The following MCTP1 variants were observed in gnomAD, a reference collection of about 807,000 sequenced individuals.
MCTP1 encodes the protein multiple C2 and transmembrane domain containing 1, also known as multiple C2 and transmembrane domain-containing protein 1.
MCTP1 carries 69 observed loss-of-function variants against 120.6 expected under a neutral mutation model. The observed-to-expected ratio is 0.57, with a 90% CI of 0.47 to 0.70. The LOEUF (loss-of-function observed/expected upper bound fraction) is 0.70, where lower values mean the gene tolerates loss of function less well. MCTP1 is among the 30% of genes least tolerant of loss of function. The pLI is 0.00. For synonymous variants in MCTP1, 529 were observed against 493.1 expected (o/e 1.07, Z -0.96); for missense variants, 1,203 against 1,248.8 (o/e 0.96, Z 0.55).
chr5:95,043,191 A>AT (rs1248467679), intron 1 of MCTP1, among the ~76,000 whole-genome samples: 1 of 152,206 alleles, frequency 6.6e-6, no homozygotes, highest in Admixed American at 6.6e-5. Flanking sequence ...AGAGGGTCAC[A>AT]TTTAACAATG....
chr5:95,054,725 A>G (rs1215464628), intron 1 of MCTP1, among the ~76,000 whole-genome samples: 2 of 152,240 alleles, frequency 1.3e-5, no homozygotes, highest in East Asian at 3.8e-4. Context: ...ATAGACCATC[A>G]GAAAGCTGGC....
intron 1 of MCTP1, among the ~76,000 whole-genome samples, chr5:95,154,913 A>C (rs1403528127): frequency 6.6e-6 from 1 of 152,092 alleles, no homozygotes; most frequent in East Asian, 1.9e-4. Context: ...AGTTTTTTCA[A>C]CATATAAGGA....
At chr5:94,936,135 T>C (rs1816142782) in intron 5 of MCTP1, among the ~76,000 whole-genome samples, 3 of 151,994 alleles carry the variant, frequency 2.0e-5, no homozygotes, top group Admixed American at 6.6e-5. Context: ...CAGATTATCA[T>C]TAATATACTA....
chr5:94,715,801 TC>T (rs1759023184), intron 19 of MCTP1, among the ~76,000 whole-genome samples: 1 of 152,218 alleles, frequency 6.6e-6, no homozygotes, highest in African/African-American at 2.4e-5. Flanking sequence ...ATTCTATGAC[TC>T]CATTCCTCCA....
At chr5:94,843,365 G>A (rs1791568002) in intron 17 of MCTP1, among the ~76,000 whole-genome samples, 1 of 152,108 alleles carries the variant, frequency 6.6e-6, no homozygotes, top group South Asian at 2.1e-4. Context: ...TCGTGTGTAT[G>A]TGTATAAACA....
intron 17 of MCTP1, among the ~76,000 whole-genome samples, chr5:94,850,278 C>T (rs904734961): frequency 4.6e-5 from 7 of 152,124 alleles, no homozygotes; most frequent in African/African-American, 9.7e-5. Flanking sequence ...TGAGCAAAAT[C>T]GTGAACTTTA....
rs754290485 is a variant in MCTP1, at chr5:94,953,373, A to G, written c.839-12T>C. 1.9e-6 allele frequency: 3 copies of G among 1,579,900 alleles called. No individual in the cohort carries two copies. Among genetic ancestry groups the G allele is most frequent in the Non-Finnish European group, 2.6e-6 (3 of 1,162,500 alleles). On this transcript the variant is annotated splice_polypyrimidine_tract_variant and intron_variant, in intron 2 of 22. Transcript: ENST00000515393. The stretch of plus-strand genomic sequence containing the variant: ...TGGATCACTCGTCCCTGTTAAATAG[A>G]TAGATTGATCCATGTTAATCATGAC...
At chr5:94,929,510 C>T (rs116769319) in intron 6 of MCTP1, 142 of 406,854 alleles carry the variant, frequency 3.5e-4, no homozygotes, top group East Asian at 3.2e-4. Context: ...AAATAAAAAA[C>T]GAAAAATCTG....
chr5:94,960,792 G>A (rs1260006841), intron 2 of MCTP1, among the ~76,000 whole-genome samples: 2 of 152,176 alleles, frequency 1.3e-5, no homozygotes, highest in African/African-American at 4.8e-5. Context: ...GAGAGGATGT[G>A]GAGAAATAAG....
At chr5:94,836,095 G>T (rs1009522403) in intron 17 of MCTP1, among the ~76,000 whole-genome samples, 1 of 139,858 alleles carries the variant, frequency 7.2e-6, no homozygotes, top group Non-Finnish European at 1.5e-5. Flanking sequence ...CAGAAAAATT[G>T]CTTGAACCCA....
At chr5:94,802,932 G>A (rs1051258830) in intron 17 of MCTP1, among the ~76,000 whole-genome samples, 1 of 152,124 alleles carries the variant, frequency 6.6e-6, no homozygotes, top group Admixed American at 6.5e-5. Flanking sequence ...ACTCACAAAT[G>A]TCTACAGAGT....
chr5:94,852,903 T>C (rs1300894946), intron 17 of MCTP1, among the ~76,000 whole-genome samples: 2 of 152,006 alleles, frequency 1.3e-5, no homozygotes, highest in African/African-American at 4.8e-5. Flanking sequence ...CTAAAATAAT[T>C]TTCTTTATAA....
intron 7 of MCTP1, among the ~76,000 whole-genome samples, chr5:94,921,242 G>C (rs977905472): frequency 6.6e-6 from 1 of 152,006 alleles, no homozygotes; most frequent in Non-Finnish European, 1.5e-5. Context: ...CATATCCATG[G>C]CTTAATATTT....
intron 17 of MCTP1, among the ~76,000 whole-genome samples, chr5:94,832,415 T>C (rs1359881756): frequency 6.6e-6 from 1 of 152,222 alleles, no homozygotes; most frequent in Non-Finnish European, 1.5e-5. Flanking sequence ...AAGCTTCATT[T>C]CTACCTAAGG....
chr5:94,913,036 G>A (rs2153444915), intron 8 of MCTP1, 60 bp from the exon 9 acceptor site: 2 of 1,334,952 alleles, frequency 1.5e-6, no homozygotes, highest in South Asian at 2.9e-5. Flanking sequence ...ACCTCATTTT[G>A]GCGTTACCTT....
At chr5:94,826,618 T>C in intron 17 of MCTP1, 2 of 782,944 alleles carry the variant, frequency 2.6e-6, no homozygotes, top group Non-Finnish European at 4.4e-6. Flanking sequence ...TCTTCAGCTC[T>C]GCAAAATTCC....
intron 1 of MCTP1, among the ~76,000 whole-genome samples, chr5:95,242,906 T>TAA (rs1365126734): frequency 6.6e-6 from 1 of 152,182 alleles, no homozygotes; most frequent in Non-Finnish European, 1.5e-5. Flanking sequence ...TATGCTGCAA[T>TAA]AAACCTGTTT....
intron 2 of MCTP1, among the ~76,000 whole-genome samples, chr5:95,002,049 G>A (rs928054308): frequency 6.6e-6 from 1 of 152,202 alleles, no homozygotes; most frequent in African/African-American, 2.4e-5. Flanking sequence ...AAGGGGCCAA[G>A]GTACAGCTTG....
At chr5:95,078,417 T>C (rs1754150570) in intron 1 of MCTP1, among the ~76,000 whole-genome samples, 1 of 152,186 alleles carries the variant, frequency 6.6e-6, no homozygotes, top group Non-Finnish European at 1.5e-5. Flanking sequence ...AATCTTGTTG[T>C]ATCACCAAAG....
Sources: allele counts gnomAD v4.1 joint callset (sites outside exome capture counted in the v4.1 genomes callset), GRCh38; gene constraint gnomAD v4.1.1; transcripts MANE v1.5; gene names NCBI Gene and HGNC (gene_info 2026-07-23, HGNC 2026-07-21).